The following BMPR1A variants were observed in gnomAD, a reference collection of about 807,000 sequenced individuals.
BMPR1A encodes bone morphogenetic protein receptor type-1A.
Under a neutral mutation model 66.0 loss-of-function variants are expected in BMPR1A, and 7 were observed. The observed-to-expected ratio is 0.11, with a 90% CI of 0.06 to 0.20. The LOEUF is 0.20. BMPR1A is among the 10% of genes least tolerant of loss of function. BMPR1A has a pLI of 1.00. For missense variants in BMPR1A, 408 were observed against 669.1 expected (o/e 0.61, Z 4.31); for synonymous variants, 200 against 229.7 (o/e 0.87, Z 1.17).
At chr10:86,768,439 T>TAA (rs1841202023) in intron 1 of BMPR1A, among the ~76,000 whole-genome samples, 2 of 152,156 alleles carry the variant, frequency 1.3e-5, no homozygotes, top group Non-Finnish European at 2.9e-5. Flanking sequence ...CATAGTAACT[T>TAA]TAATTGTGTT....
At chr10:86,858,710 A>C (rs901044988) in intron 2 of BMPR1A, among the ~76,000 whole-genome samples, 1 of 152,200 alleles carries the variant, frequency 6.6e-6, no homozygotes, top group African/African-American at 2.4e-5. Context: ...AATGAAATAC[A>C]TTTGACCAAG....
chr10:86,824,112 T>TGTGTGTGTGTGTG (rs1564695887), intron 1 of BMPR1A, among the ~76,000 whole-genome samples: 2 of 151,724 alleles, frequency 1.3e-5, no homozygotes, highest in African/African-American at 4.8e-5. Flanking sequence ...TGTGTGTGTG[T>TGTGTGTGTGTGTG]TTCTTTCAGT....
intron 1 of BMPR1A, among the ~76,000 whole-genome samples, chr10:86,815,206 A>G (rs1842019707): frequency 1.3e-5 from 2 of 152,182 alleles, no homozygotes; most frequent in African/African-American, 4.8e-5. Context: ...TCAGGATAGC[A>G]TTTCTAATTT....
In BMPR1A at chr10:86,923,957, C is replaced by G; in HGVS notation, c.*238C>G. The G allele has an allele frequency of 1.9e-6, 1 of 539,218 alleles. No individual in the cohort carries two copies. The highest frequency in any genetic ancestry group is 3.3e-6 in the Non-Finnish European group (1 of 303,524). The allele number at this position is 539,218 out of a possible 1,614,324, so 33.4% of individuals were successfully genotyped here. On this transcript the variant is annotated 3_prime_UTR_variant, in exon 13 of 13. Transcript: ENST00000372037. ...TTATTTTAAATGTGGTTTTTGATGCCTTTTTTTAAGTGGGTTTTTATGAAC... is the reference window on the plus strand; with the variant it reads ...TTATTTTAAATGTGGTTTTTGATGCGTTTTTTTAAGTGGGTTTTTATGAAC...
At chr10:86,836,975 GTGTT>G (rs1842357865) in intron 1 of BMPR1A, among the ~76,000 whole-genome samples, 1 of 152,152 alleles carries the variant, frequency 6.6e-6, no homozygotes, top group Non-Finnish European at 1.5e-5. Flanking sequence ...TTTATGTTAA[GTGTT>G]TGTACATGTG....
intron 1 of BMPR1A, among the ~76,000 whole-genome samples, chr10:86,801,628 C>CTCTA (rs1228704599): frequency 1.3e-5 from 2 of 152,160 alleles, no homozygotes; most frequent in African/African-American, 2.4e-5. Context: ...AAAAGTCAGC[C>CTCTA]TCTACCCCTT....
Position 86,808,515 on chromosome 10 carries a change from C to T in BMPR1A, c.-267-30350C>T, listed in dbSNP as rs146382241. 3.8e-3 allele frequency among the ~76,000 whole-genome samples: 571 copies of T among 152,208 alleles called. 2 individuals carry two copies. The highest frequency in any genetic ancestry group is 5.3e-3 in the Non-Finnish European group (363 of 68,026). ...GGTCCATTCAACTTATTTCATGTAACGTCAATTCACCGAAAGAGTTAAGAG... is the reference window on the plus strand; with the variant it reads ...GGTCCATTCAACTTATTTCATGTAATGTCAATTCACCGAAAGAGTTAAGAG... On this transcript the variant is annotated intron_variant, in intron 1 of 12. Coordinates refer to ENST00000372037, the MANE Select transcript of BMPR1A (RefSeq NM_004329.3).
rs115763093 is a variant in BMPR1A at position 86,840,633 on chromosome 10, C to T, written c.-153+1654C>T. The stretch of plus-strand genomic sequence containing the variant: ...GTGGCATTTTCTCTAAGCTTCAGGC[C>T]CATATTTTCATCTGTTTACAGATGG... On this transcript the variant is annotated intron_variant, in intron 2 of 12. Coordinates refer to ENST00000372037, the MANE Select transcript of BMPR1A (RefSeq NM_004329.3). 4.3e-3 allele frequency among the ~76,000 whole-genome samples: 660 copies of T among 152,152 alleles called. 9 individuals are homozygous for T. The highest frequency in any genetic ancestry group is 0.015 in the African/African-American group (624 of 41,524).
At chr10:86,855,585 A>C in intron 2 of BMPR1A, 1 of 561,540 alleles carries the variant, frequency 1.8e-6, no homozygotes, top group Admixed American at 2.7e-5. Context: ...TTTTCAAAAA[A>C]GTACTATTTG....
chr10:86,916,441 CAG>C (rs1366440794), intron 8 of BMPR1A, among the ~76,000 whole-genome samples: 2 of 152,194 alleles, frequency 1.3e-5, no homozygotes, highest in African/African-American at 4.8e-5. Context: ...TTTTTGGTCA[CAG>C]GGTTCCCAAA....
chr10:86,783,259 A>G (rs1841463955), intron 1 of BMPR1A, among the ~76,000 whole-genome samples: 1 of 152,186 alleles, frequency 6.6e-6, no homozygotes, highest in Non-Finnish European at 1.5e-5. Context: ...TAGCTTTGTA[A>G]CAAGTTTTGA....
chr10:86,889,597 C>G (rs752556895), intron 3 of BMPR1A: 1 of 169,352 alleles, frequency 5.9e-6, no homozygotes, highest in Non-Finnish European at 1.3e-5. Context: ...GGAGAGACCA[C>G]GGTCACGAAG....
rs1447651200 is a variant in BMPR1A, at chr10:86,875,937, T to A, written c.-82T>A. 2.0e-5 allele frequency: 24 copies of A among 1,183,646 alleles called. No homozygotes were observed. The highest frequency in any genetic ancestry group is 2.8e-5 in the Non-Finnish European group (22 of 793,090). The allele number at this position is 1,183,646 out of a possible 1,614,324, so 73.3% of individuals were successfully genotyped here. A position where few individuals can be genotyped will look rare whatever the true frequency, so the allele number is the denominator to read the frequency against. Reference sequence around the variant, plus strand: ...GCGATCTTTTACAAGAAAATCTCACTGAATGATAGTCATTTAAATTGGTGA... The same window carrying A: ...GCGATCTTTTACAAGAAAATCTCACAGAATGATAGTCATTTAAATTGGTGA... On this transcript the variant is annotated 5_prime_UTR_variant, in exon 3 of 13. Coordinates refer to ENST00000372037, the MANE Select transcript of BMPR1A (RefSeq NM_004329.3).
chr10:86,814,395 C>A (rs1238851845), intron 1 of BMPR1A, among the ~76,000 whole-genome samples: 4 of 152,030 alleles, frequency 2.6e-5, no homozygotes, highest in African/African-American at 7.3e-5. Flanking sequence ...GAAATAGGAA[C>A]AATTTTTGTT....
chr10:86,822,109 C>T (rs544381744), intron 1 of BMPR1A, among the ~76,000 whole-genome samples: 10 of 152,044 alleles, frequency 6.6e-5, no homozygotes, highest in South Asian at 2.1e-4. Flanking sequence ...ATTACAGACC[C>T]GAGCCAGCAT....
chr10:86,869,991 A>C (rs1309915672), intron 2 of BMPR1A, among the ~76,000 whole-genome samples: 2 of 152,200 alleles, frequency 1.3e-5, no homozygotes, highest in African/African-American at 4.8e-5. Flanking sequence ...TCACACAGCA[A>C]ATAAATACTG....
intron 1 of BMPR1A, among the ~76,000 whole-genome samples, chr10:86,762,125 A>T (rs1311689396): frequency 6.6e-6 from 1 of 152,230 alleles, no homozygotes; most frequent in African/African-American, 2.4e-5. Context: ...ACTAACCCCC[A>T]TGATATTGAA....
At chr10:86,861,274 T>G (rs11202231) in intron 2 of BMPR1A, among the ~76,000 whole-genome samples, 22,692 of 152,252 alleles carry the variant, frequency 0.15, 2,698 homozygotes, top group East Asian at 0.67. Context: ...GTTCTTGAGC[T>G]TCACGTGCAT....
At chr10:86,776,374 A>G (rs1329842602) in intron 1 of BMPR1A, among the ~76,000 whole-genome samples, 1 of 152,152 alleles carries the variant, frequency 6.6e-6, no homozygotes, top group Non-Finnish European at 1.5e-5. Context: ...TATCCTGCCT[A>G]CTCTCATAAG....
Sources: gnomAD v4.1 joint callset for allele counts (sites outside exome capture counted in the v4.1 genomes callset) on GRCh38, gnomAD v4.1.1 for gene constraint, MANE v1.5 for transcripts, NCBI Gene and HGNC (gene_info 2026-07-23, HGNC 2026-07-21) for gene names.